Variants in GABPB1 observed in about 807,000 individuals in gnomAD.
The protein encoded by GABPB1 is GA-binding protein subunit beta-1.
A neutral mutation model predicts 45.9 loss-of-function variants in GABPB1; 15 were observed. The observed-to-expected ratio is 0.33, with a 90% confidence interval of 0.22 to 0.50. The LOEUF is 0.50. Among genes scored for constraint, GABPB1 ranks in the 20% least tolerant of loss-of-function variants. GABPB1 has a pLI of 0.98. For synonymous variants in GABPB1, 143 were observed against 154.4 expected (o/e 0.93, Z 0.55); for missense variants, 252 against 457.5 (o/e 0.55, Z 4.10).
At chr15:50,334,664 C>T (rs879912251) in intron 1 of GABPB1, among the ~76,000 whole-genome samples, 4 of 152,012 alleles carry the variant, frequency 2.6e-5, no homozygotes, top group African/African-American at 9.6e-5. Context: ...CATGCCACTA[C>T]ACCCAGCTAA....
intron 1 of GABPB1, chr15:50,350,592 A>G (rs148973652): frequency 2.0e-5 from 3 of 151,928 alleles, no homozygotes; most frequent in African/African-American, 7.2e-5. Flanking sequence ...GTTTCACTCA[A>G]TTAGCTTTTT....
intron 2 of GABPB1, among the ~76,000 whole-genome samples, chr15:50,309,386 C>G (rs893330855): frequency 6.6e-6 from 1 of 152,082 alleles, no homozygotes; most frequent in African/African-American, 2.4e-5. Flanking sequence ...TCTACCTGTG[C>G]TATTTATAAG....
intron 1 of GABPB1, among the ~76,000 whole-genome samples, chr15:50,316,986 A>C (rs1300324519): frequency 6.6e-6 from 1 of 152,030 alleles, no homozygotes; most frequent in Non-Finnish European, 1.5e-5. Flanking sequence ...GATCTCTAAA[A>C]GATAAAAATA....
At chr15:50,332,127 G>A (rs1346850114) in intron 1 of GABPB1, among the ~76,000 whole-genome samples, 5 of 151,828 alleles carry the variant, frequency 3.3e-5, no homozygotes, top group East Asian at 1.9e-4. Flanking sequence ...CACCTGCCTC[G>A]GCCTCCCAAA....
rs1441855143 is a variant in GABPB1, at chr15:50,289,502, G to A, written c.864C>T (p.Thr288=). 1.2e-6 allele frequency: 2 copies of A among 1,610,388 alleles called. No individual in the cohort carries two copies. Among genetic ancestry groups the A allele is most frequent in the Admixed American group, 1.7e-5 (1 of 59,720 alleles). The change falls in exon 7 of 9, where the codon ACC becomes ACT. Residue 288 remains threonine, a synonymous_variant. Transcript: ENST00000380877. Reference sequence around the variant, plus strand: ...ACTAACCTTGTTGTCCATCTGGCATGGTCACAATGATGGGCTGACCAATTC... The same window carrying A: ...ACTAACCTTGTTGTCCATCTGGCATAGTCACAATGATGGGCTGACCAATTC... ...TSGIGQPIIV[T]MPDGQQVLTV...
intron 7 of GABPB1, among the ~76,000 whole-genome samples, chr15:50,288,398 A>AG (rs2046235750): frequency 1.3e-5 from 2 of 152,150 alleles, no homozygotes; most frequent in Non-Finnish European, 2.9e-5. Flanking sequence ...CACTTCTTTT[A>AG]GGGGGAGACA....
At chr15:50,331,606 A>C (rs1164080723) in intron 1 of GABPB1, among the ~76,000 whole-genome samples, 1 of 152,232 alleles carries the variant, frequency 6.6e-6, no homozygotes, top group Non-Finnish European at 1.5e-5. Flanking sequence ...AGTTGTCAGA[A>C]AGTTTTAAAC....
In GABPB1 at chr15:50,304,592, T is replaced by C. The variant is rs186475811; in HGVS notation, c.109-459A>G. 1.2e-3 allele frequency among the ~76,000 whole-genome samples: 178 copies of C among 151,758 alleles called. 2 individuals carry two copies. In the East Asian group the frequency reaches 0.029, roughly 24 times the overall value. On this transcript the variant is annotated intron_variant, in intron 2 of 8. Coordinates refer to ENST00000380877, the MANE Select transcript of GABPB1 (RefSeq NM_016654.5). ...CAGGCGTGGTGGCATGTGCCTGTAA[T>C]CCCAGCTACTCAGGAGGCTAAGGCA...
At chr15:50,325,657 G>C (rs2047728998) in intron 1 of GABPB1, among the ~76,000 whole-genome samples, 1 of 150,890 alleles carries the variant, frequency 6.6e-6, no homozygotes, top group African/African-American at 2.4e-5. Flanking sequence ...TCAGCCTCCT[G>C]AGTAGCTGGG....
chr15:50,322,755 G>A (rs542421585), intron 1 of GABPB1, among the ~76,000 whole-genome samples: 55 of 152,134 alleles, frequency 3.6e-4, no homozygotes, highest in Non-Finnish European at 7.5e-4. Flanking sequence ...GGCCAGGCAC[G>A]GTGGCTCATG....
intron 1 of GABPB1, among the ~76,000 whole-genome samples, chr15:50,319,780 G>A (rs1050110512): frequency 6.6e-6 from 1 of 151,976 alleles, no homozygotes; most frequent in Non-Finnish European, 1.5e-5. Flanking sequence ...AGAGGTTGCA[G>A]TGAGCCGAGA....
At chr15:50,325,877 A>G (rs1231793967) in intron 1 of GABPB1, among the ~76,000 whole-genome samples, 2 of 151,098 alleles carry the variant, frequency 1.3e-5, no homozygotes, top group East Asian at 1.9e-4. Flanking sequence ...GCAAGAAGTC[A>G]TAACATTTTA....
At chr15:50,338,190 C>A (rs1226256632) in intron 1 of GABPB1, among the ~76,000 whole-genome samples, 1 of 151,870 alleles carries the variant, frequency 6.6e-6, no homozygotes, top group Non-Finnish European at 1.5e-5. Flanking sequence ...CAGGCACGTG[C>A]CACCACACCC....
intron 8 of GABPB1, among the ~76,000 whole-genome samples, chr15:50,281,563 G>T (rs1481361386): frequency 6.6e-6 from 1 of 152,174 alleles, no homozygotes; most frequent in Non-Finnish European, 1.5e-5. Flanking sequence ...CTATTTGCTT[G>T]TGTGTAAACA....
At chr15:50,319,468 AT>A (rs1367483204) in intron 1 of GABPB1, among the ~76,000 whole-genome samples, 3 of 152,158 alleles carry the variant, frequency 2.0e-5, no homozygotes, top group Middle Eastern at 3.4e-3. Context: ...AGTGTCTATT[AT>A]CCCCCTCCGT....
chr15:50,323,097 A>T (rs2047632200), intron 1 of GABPB1, among the ~76,000 whole-genome samples: 1 of 152,196 alleles, frequency 6.6e-6, no homozygotes, highest in Admixed American at 6.5e-5. Flanking sequence ...TTTGCTGGGC[A>T]CAGTGGTGTG....
At chr15:50,335,565 T>TTC (rs1360225192) in intron 1 of GABPB1, among the ~76,000 whole-genome samples, 2 of 152,108 alleles carry the variant, frequency 1.3e-5, no homozygotes, top group Non-Finnish European at 2.9e-5. Flanking sequence ...TAAGGTAATG[T>TTC]TCTATATATT....
intron 6 of GABPB1, among the ~76,000 whole-genome samples, chr15:50,300,492 G>C (rs1017769573): frequency 3.0e-5 from 4 of 132,962 alleles, no homozygotes; most frequent in Non-Finnish European, 4.7e-5. Context: ...ACCCAGGCTG[G>C]AGTGCAGTGG....
intron 4 of GABPB1, among the ~76,000 whole-genome samples, chr15:50,302,643 C>CAAAAAAAAA (rs60408137): frequency 3.2e-5 from 2 of 62,170 alleles, no homozygotes; most frequent in African/African-American, 5.9e-5. Context: ...GACTCTGGCT[C>CAAAAAAAAA]AAAAAAAAAA....
Sources: gnomAD v4.1 joint callset for allele counts (sites outside exome capture counted in the v4.1 genomes callset) on GRCh38, gnomAD v4.1.1 for gene constraint, MANE v1.5 for transcripts, NCBI Gene and HGNC (gene_info 2026-07-23, HGNC 2026-07-21) for gene names.